Variants in CDH22 observed in about 807,000 individuals in gnomAD.
CDH22 encodes the protein cadherin-22.
Under a neutral mutation model 58.4 loss-of-function variants are expected in CDH22, and 30 were observed. That is an observed-to-expected ratio of 0.51 (90% CI 0.38 to 0.70). The LOEUF (loss-of-function observed/expected upper bound fraction) is 0.70. Ranked by LOEUF, CDH22 falls within the 30% of genes least tolerant of loss-of-function variation. The pLI is 0.00. For synonymous variants in CDH22, 513 were observed against 558.2 expected (o/e 0.92, Z 1.14); for missense variants, 1,014 against 1,233.9 (o/e 0.82, Z 2.67).
chr20:46,282,745 T>TC (rs572488686), intron 1 of CDH22, among the ~76,000 whole-genome samples: 45 of 151,256 alleles, frequency 3.0e-4, no homozygotes, highest in African/African-American at 1.1e-3. Context: ...CAGTGAGTTC[T>TC]CCCCCGGGGG....
intron 7 of CDH22, among the ~76,000 whole-genome samples, chr20:46,207,383 G>T (rs909790387): frequency 1.5e-4 from 23 of 152,062 alleles, no homozygotes; most frequent in Non-Finnish European, 2.9e-5. Context: ...CTCGCCTCCC[G>T]CTCCGTGTTC....
Position 46,210,564 on chromosome 20 carries a change from C to T in CDH22, c.1033-4G>A. On this transcript the variant is annotated splice_region_variant and splice_polypyrimidine_tract_variant and intron_variant, in intron 6 of 11. Coordinates refer to ENST00000537909, the MANE Select transcript of CDH22 (RefSeq NM_021248.3). The surrounding 1 kb of genome is among the most constrained non-coding windows in gnomAD (Gnocchi z 4.5). ...GCTGGGATTCGAAGTCCAGGCGCTGCGGGAGGGAGCAGAGGGCCGGTTAGT... is the reference window on the plus strand; with the variant it reads ...GCTGGGATTCGAAGTCCAGGCGCTGTGGGAGGGAGCAGAGGGCCGGTTAGT... 2.8e-6 allele frequency: 4 copies of T among 1,425,936 alleles called. No homozygotes were observed. In the South Asian group the frequency reaches 4.8e-5, roughly 17 times the overall value. 88.3% of individuals were successfully genotyped at this position (1,425,936 alleles called of 1,614,324 possible). A position where few individuals can be genotyped will look rare whatever the true frequency, so the allele number is the denominator to read the frequency against.
At chr20:46,256,058 C>T (rs1279490401) in intron 1 of CDH22, among the ~76,000 whole-genome samples, 2 of 152,228 alleles carry the variant, frequency 1.3e-5, no homozygotes, top group East Asian at 1.9e-4. Flanking sequence ...ATGCCTATGG[C>T]TTCTGTGTGC....
At chr20:46,231,038 G>A (rs1165995991) in intron 3 of CDH22, among the ~76,000 whole-genome samples, 2 of 152,130 alleles carry the variant, frequency 1.3e-5, no homozygotes, top group Non-Finnish European at 2.9e-5. Flanking sequence ...GGCAGAGGAG[G>A]GGAAGGACAG....
chr20:46,199,947 T>TTCTTC (rs141654236), intron 7 of CDH22, among the ~76,000 whole-genome samples: 1 of 150,482 alleles, frequency 6.6e-6, no homozygotes, highest in Non-Finnish European at 1.5e-5. Context: ...CCTTCCTTCT[T>TTCTTC]TTTCTTTTTT....
chr20:46,296,494 A>G (rs73301981), intron 1 of CDH22, among the ~76,000 whole-genome samples: 3,892 of 152,324 alleles, frequency 0.026, 174 homozygotes, highest in African/African-American at 0.089. Context: ...CCTGTCCTCA[A>G]TGGACCAGTT....
chr20:46,176,464 T>G (rs2085740139), intron 11 of CDH22, among the ~76,000 whole-genome samples: 1 of 152,254 alleles, frequency 6.6e-6, no homozygotes, highest in Non-Finnish European at 1.5e-5. Flanking sequence ...AAGTCTCTTT[T>G]GTTGAGTGCT....
At chr20:46,285,613 T>A (rs918146588) in intron 1 of CDH22, among the ~76,000 whole-genome samples, 5 of 152,342 alleles carry the variant, frequency 3.3e-5, no homozygotes, top group Middle Eastern at 3.4e-3. Context: ...CCTGCGGTCA[T>A]CTGATCCAAC....
At chr20:46,238,868 T>C (rs1314567677) in intron 3 of CDH22, among the ~76,000 whole-genome samples, 3 of 152,252 alleles carry the variant, frequency 2.0e-5, no homozygotes, top group East Asian at 1.9e-4. Context: ...CATGGGGTCC[T>C]GATCATGTCA....
intron 11 of CDH22, among the ~76,000 whole-genome samples, chr20:46,176,663 T>C (rs1402425195): frequency 6.6e-6 from 1 of 152,192 alleles, no homozygotes; most frequent in Admixed American, 6.5e-5. Context: ...GGGCACCTGC[T>C]CACCACCTAA....
Position 46,175,189 on chromosome 20 carries a change from AACATTCCT to A in CDH22, c.1916-120_1916-113del, listed in dbSNP as rs2085730048. The stretch of plus-strand genomic sequence containing the variant: ...CACCCAGCAGAGCGGGCCCAGCCTC[AACATTCCT>A]ACAGATTTCCTGGATTTCTGTTCAA... On this transcript the variant is annotated intron_variant, in intron 11 of 11. Transcript: ENST00000537909. 7 of 998,606 alleles carry A rather than the reference AACATTCCT, an allele frequency of 7.0e-6. No individual in the cohort carries two copies. In the Admixed American group the frequency reaches 1.9e-4, roughly 27 times the overall value. 61.9% of individuals were successfully genotyped at this position (998,606 alleles called of 1,614,324 possible).
intron 8 of CDH22, among the ~76,000 whole-genome samples, chr20:46,190,771 C>T (rs1346911883): frequency 6.6e-6 from 1 of 152,196 alleles, no homozygotes; most frequent in African/African-American, 2.4e-5. Context: ...CCGGTGCTTC[C>T]TCCTTGAACT....
chr20:46,235,454 T>C (rs1230640600), intron 3 of CDH22, among the ~76,000 whole-genome samples: 1 of 152,186 alleles, frequency 6.6e-6, no homozygotes, highest in Non-Finnish European at 1.5e-5. Flanking sequence ...TAGCCTCATC[T>C]CTCTTCTGAC....
rs750227357 is a variant in CDH22 at position 46,178,008 on chromosome 20, A to G, written c.1853T>C (p.Met618Thr). 1.2e-6 allele frequency: 2 copies of G among 1,614,110 alleles called. No homozygotes were observed. Among genetic ancestry groups the G allele is most frequent in the East Asian group, 2.2e-5 (1 of 44,878 alleles). Residue 618 changes from methionine to threonine, a missense_variant, in exon 11 of 12, where the codon ATG becomes ACG. Met to Thr is a moderately conservative substitution (Grantham distance 81). Coordinates refer to ENST00000537909, the MANE Select transcript of CDH22 (RefSeq NM_021248.3). ...GGCGCCGGGGCTGAGGGAGGCGGCCATGACAAAGGCCGTGGTGTTGCAGGA... is the reference window on the plus strand; with the variant it reads ...GGCGCCGGGGCTGAGGGAGGCGGCCGTGACAAAGGCCGTGGTGTTGCAGGA... The part of the protein sequence containing the change: ...IQSCNTTAFV[M>T]AASLSPGALI...
At position 46,256,461 on chromosome 20, in the gene CDH22, C is replaced by T. The variant is rs141936622; in HGVS notation, c.-399-4768G>A. On this transcript the variant is annotated intron_variant, in intron 1 of 11. Coordinates refer to ENST00000537909, the MANE Select transcript of CDH22 (RefSeq NM_021248.3). ...GCACAAAGCTGGGAGAAGAGGGTTT[C>T]AAGCTGAGGCAACAGCAGGTGCAAA... Among the ~76,000 whole-genome samples, 516 of 152,236 alleles carry T rather than the reference C, an allele frequency of 3.4e-3. 3 individuals are homozygous for T. The highest frequency in any genetic ancestry group is 0.012 in the African/African-American group (498 of 41,530).
chr20:46,176,462 T>C (rs532121767), intron 11 of CDH22, among the ~76,000 whole-genome samples: 3 of 152,288 alleles, frequency 2.0e-5, no homozygotes, highest in Non-Finnish European at 2.9e-5. Flanking sequence ...CTAAGTCTCT[T>C]TTGTTGAGTG....
At chr20:46,179,682 G>C (rs956891218) in intron 10 of CDH22, among the ~76,000 whole-genome samples, 8 of 152,218 alleles carry the variant, frequency 5.3e-5, no homozygotes, top group African/African-American at 1.9e-4. Flanking sequence ...AACCCACTGA[G>C]CTTCTCTAAG....
chr20:46,298,769 G>A (rs1210274417), intron 1 of CDH22, among the ~76,000 whole-genome samples: 9 of 151,992 alleles, frequency 5.9e-5, no homozygotes, highest in Admixed American at 5.9e-4. Flanking sequence ...CCAAGCATAG[G>A]CTCCCCTAAT....
At chr20:46,304,560 G>A (rs1296983438) in intron 1 of CDH22, among the ~76,000 whole-genome samples, 2 of 152,244 alleles carry the variant, frequency 1.3e-5, no homozygotes, top group East Asian at 3.9e-4. Flanking sequence ...ACAAGTGGAT[G>A]GCTGAAGGCT....
Sources: gnomAD v4.1 joint callset for allele counts (sites outside exome capture counted in the v4.1 genomes callset) on GRCh38, gnomAD v4.1.1 for gene constraint, Gnocchi (gnomAD v3.1) non-coding constraint, MANE v1.5 for transcripts, NCBI Gene and HGNC (gene_info 2026-07-23, HGNC 2026-07-21) for gene names.